Variants in MAD1L1 observed in about 807,000 individuals in gnomAD.
MAD1L1 encodes the protein mitotic spindle assembly checkpoint protein MAD1.
MAD1L1 carries 95 observed loss-of-function variants against 96.9 expected under a neutral mutation model. The ratio of observed to expected loss-of-function variants is 0.98; its 90% CI spans 0.83 to 1.16. MAD1L1 has a LOEUF of 1.16. MAD1L1 is among the 50% of genes most tolerant of loss of function. MAD1L1 has a pLI of 0.00. For missense variants in MAD1L1, 1,007 were observed against 954.4 expected (o/e 1.06, Z -0.73); for synonymous variants, 473 against 396.6 (o/e 1.19, Z -2.29).
At chr7:1,825,099 A>G (rs1782323617) in intron 18 of MAD1L1, among the ~76,000 whole-genome samples, 1 of 152,152 alleles carries the variant, frequency 6.6e-6, no homozygotes, top group Non-Finnish European at 1.5e-5. Context: ...TATGCTGCAT[A>G]TTTGTAATTA....
intron 12 of MAD1L1, among the ~76,000 whole-genome samples, chr7:2,063,261 G>C (rs554372633): frequency 6.6e-6 from 1 of 152,224 alleles, no homozygotes; most frequent in Non-Finnish European, 1.5e-5. Flanking sequence ...CCAAAATCTT[G>C]CTCTCTGATC....
intron 17 of MAD1L1, among the ~76,000 whole-genome samples, chr7:1,919,098 G>A (rs1416077180): frequency 1.3e-5 from 2 of 152,252 alleles, no homozygotes; most frequent in Non-Finnish European, 2.9e-5. Context: ...CCAGGAGTCT[G>A]CAGAGATCGT....
chr7:2,016,489 C>T (rs570117743), intron 12 of MAD1L1, among the ~76,000 whole-genome samples: 2 of 152,186 alleles, frequency 1.3e-5, no homozygotes, highest in Non-Finnish European at 2.9e-5. Context: ...ACAAGCTGAG[C>T]CCCCGCCCAG....
chr7:2,164,252 C>T (rs1267830126), intron 10 of MAD1L1, among the ~76,000 whole-genome samples: 2 of 152,198 alleles, frequency 1.3e-5, no homozygotes. Context: ...GGCACTGTTC[C>T]AGAGTGCCGA....
At chr7:1,817,102 CAG>C (rs1781848998) in intron 18 of MAD1L1, 1 of 152,288 alleles carries the variant, frequency 6.6e-6, no homozygotes, top group African/African-American at 2.4e-5. Context: ...GAGCTCATGC[CAG>C]GACGCTGGGC....
intron 15 of MAD1L1, among the ~76,000 whole-genome samples, chr7:1,977,726 T>C (rs1338824353): frequency 6.6e-6 from 1 of 152,238 alleles, no homozygotes; most frequent in African/African-American, 2.4e-5. Flanking sequence ...CGCCTGGCCA[T>C]GCTCCCATCA....
chr7:1,843,180 C>G (rs1783378226), intron 18 of MAD1L1, among the ~76,000 whole-genome samples: 1 of 152,202 alleles, frequency 6.6e-6, no homozygotes, highest in Admixed American at 6.5e-5. Context: ...CCTCGTTGCC[C>G]TACTCCTCTG....
At chr7:1,985,958 G>A (rs1468600168) in intron 14 of MAD1L1, among the ~76,000 whole-genome samples, 2 of 152,208 alleles carry the variant, frequency 1.3e-5, no homozygotes, top group African/African-American at 4.8e-5. Flanking sequence ...ATTTTCATCT[G>A]CTCAATGTCC....
chr7:2,015,880 T>A (rs1288240760), intron 12 of MAD1L1, among the ~76,000 whole-genome samples: 3 of 152,232 alleles, frequency 2.0e-5, no homozygotes, highest in Admixed American at 6.5e-5. Context: ...CAGGGACATC[T>A]AACTGATGCT....
rs551090504 is a variant in MAD1L1 at position 1,903,964 on chromosome 7, G to A, written c.1808-5574C>T. Reference sequence around the variant, plus strand: ...AGTGGCCTACGGAAGACACTCTTGCGGAACTCATGATTGATGAAGCACTGT... The same window carrying A: ...AGTGGCCTACGGAAGACACTCTTGCAGAACTCATGATTGATGAAGCACTGT... On this transcript the variant is annotated intron_variant, in intron 17 of 18. Coordinates refer to ENST00000265854, the MANE Select transcript of MAD1L1 (RefSeq NM_001013836.2). Among the ~76,000 whole-genome samples the A allele has an allele frequency of 1.1e-3, 109 of 101,604 alleles. 2 individuals carry two copies. The highest frequency in any genetic ancestry group is 2.3e-3 in the African/African-American group (66 of 29,236). 66.7% of individuals were successfully genotyped at this position (101,604 alleles called of 152,430 possible). A position where few individuals can be genotyped will look rare whatever the true frequency, so the allele number is the denominator to read the frequency against.
intron 12 of MAD1L1, among the ~76,000 whole-genome samples, chr7:2,045,881 T>G (rs1562634801): frequency 6.6e-6 from 1 of 152,142 alleles, no homozygotes; most frequent in Non-Finnish European, 1.5e-5. Context: ...ATCCAAACGT[T>G]CTGCCGAGGG....
intron 17 of MAD1L1, among the ~76,000 whole-genome samples, chr7:1,915,232 G>A (rs576074487): frequency 2.0e-5 from 3 of 152,268 alleles, no homozygotes; most frequent in African/African-American, 4.8e-5. Context: ...TTCAACTAGG[G>A]AAACAGATAA....
At chr7:2,129,565 G>C (rs1788411378) in intron 11 of MAD1L1, among the ~76,000 whole-genome samples, 1 of 152,290 alleles carries the variant, frequency 6.6e-6, no homozygotes, top group South Asian at 2.1e-4. Flanking sequence ...AGGAACCCCA[G>C]GTGCCTCCCG....
intron 15 of MAD1L1, among the ~76,000 whole-genome samples, chr7:1,967,404 T>C (rs894702415): frequency 1.3e-5 from 2 of 152,028 alleles, no homozygotes; most frequent in Non-Finnish European, 2.9e-5. Flanking sequence ...AAGACAGAGA[T>C]TGCCATGATG....
intron 10 of MAD1L1, among the ~76,000 whole-genome samples, chr7:2,183,667 C>G (rs963279740): frequency 1.3e-5 from 2 of 152,088 alleles, no homozygotes; most frequent in African/African-American, 4.8e-5. Context: ...AAACCAAACA[C>G]CGCATGTTCT....
intron 12 of MAD1L1, among the ~76,000 whole-genome samples, chr7:2,020,448 C>T (rs999931018): frequency 3.9e-5 from 6 of 152,230 alleles, no homozygotes; most frequent in Non-Finnish European, 2.9e-5. Flanking sequence ...GAGGACGGAA[C>T]GCCATGGGCA....
intron 11 of MAD1L1, among the ~76,000 whole-genome samples, chr7:2,115,509 C>T (rs1388787525): frequency 7.0e-6 from 1 of 143,652 alleles, no homozygotes; most frequent in South Asian, 2.2e-4. Context: ...TCAGAGGAGG[C>T]GCTGGACAGG....
At chr7:1,874,643 T>C (rs1046107647) in intron 18 of MAD1L1, 2 of 422,338 alleles carry the variant, frequency 4.7e-6, no homozygotes, top group East Asian at 7.1e-5. Flanking sequence ...GGCTTAGGAA[T>C]TGACCCAGGA....
chr7:1,922,232 G>A (rs952125807), intron 17 of MAD1L1, among the ~76,000 whole-genome samples: 6 of 152,224 alleles, frequency 3.9e-5, no homozygotes, highest in Non-Finnish European at 7.3e-5. Context: ...GGACCTGGCC[G>A]CGCCGCGTCT....
Sources: gnomAD v4.1 joint callset for allele counts (sites outside exome capture counted in the v4.1 genomes callset) on GRCh38, gnomAD v4.1.1 for gene constraint, MANE v1.5 for transcripts, NCBI Gene and HGNC (gene_info 2026-07-23, HGNC 2026-07-21) for gene names.